Variants in UNC13C observed in about 807,000 individuals in gnomAD.
UNC13C encodes protein unc-13 homolog C.
Under a neutral mutation model 245.4 loss-of-function variants are expected in UNC13C, and 174 were observed. That is an observed-to-expected ratio of 0.71 (90% CI 0.63 to 0.80). The LOEUF (loss-of-function observed/expected upper bound fraction) is 0.80. Among genes scored for constraint, UNC13C ranks in the 30% least tolerant of loss-of-function variants. The pLI is 0.00. For missense variants in UNC13C, 2,829 were observed against 2,602.9 expected, an observed-to-expected ratio of 1.09 and a Z score of -1.89; for synonymous variants, 992 against 895.1, an observed-to-expected ratio of 1.11 and a Z score of -1.93.
the UNC13C span, among the ~76,000 whole-genome samples, chr15:53,852,500 A>T: frequency 5.9e-5 from 9 of 152,104 alleles, no homozygotes; most frequent in African/African-American, 1.7e-4. Flanking sequence ...CACAGACTTA[A>T]AGTCACCCCA....
At chr15:54,185,428 A>T (rs2033944741) in intron 4 of UNC13C, among the ~76,000 whole-genome samples, 1 of 150,062 alleles carries the variant, frequency 6.7e-6, no homozygotes, top group Admixed American at 6.6e-5. Context: ...TCTTTAATCC[A>T]TCTTGAATTA....
At chr15:54,601,676 G>A (rs1429613775) in intron 30 of UNC13C, among the ~76,000 whole-genome samples, 2 of 151,972 alleles carry the variant, frequency 1.3e-5, no homozygotes, top group African/African-American at 4.8e-5. Context: ...TTTCCCTTTG[G>A]GGACCTGGTT....
intron 4 of UNC13C, among the ~76,000 whole-genome samples, chr15:54,180,599 C>G (rs2033764986): frequency 6.6e-6 from 1 of 152,058 alleles, no homozygotes; most frequent in South Asian, 2.1e-4. Context: ...AGTGACCAAA[C>G]TAATTTACAT....
At chr15:54,347,275 C>G (rs2038879774) in intron 17 of UNC13C, among the ~76,000 whole-genome samples, 1 of 152,094 alleles carries the variant, frequency 6.6e-6, no homozygotes, top group Admixed American at 6.5e-5. Flanking sequence ...ACAATGAAAA[C>G]CTTTATTAAC....
In UNC13C at chr15:54,120,423, G is replaced by T. The variant is rs151009483; in HGVS notation, c.2984-22595G>T. 1.2e-3 allele frequency among the ~76,000 whole-genome samples: 182 copies of T among 152,196 alleles called. 4 individuals are homozygous for T. In the East Asian group the frequency reaches 0.028, roughly 23 times the overall value. On this transcript the variant is annotated intron_variant, in intron 2 of 32. Coordinates refer to ENST00000260323, the MANE Select transcript of UNC13C (RefSeq NM_001080534.3). ...ATACTTACACTGCTCAGAAGAAAAA[G>T]AAAGATTGCTTTCAAAGTGTTACAG...
At chr15:54,505,691 T>C (rs1894440183) in intron 22 of UNC13C, among the ~76,000 whole-genome samples, 1 of 152,136 alleles carries the variant, frequency 6.6e-6, no homozygotes, top group East Asian at 1.9e-4. Context: ...AGATGGGAGT[T>C]ATTACGGCAG....
At chr15:54,203,729 C>CACATATACAT (rs1465122682) in intron 4 of UNC13C, among the ~76,000 whole-genome samples, 1 of 133,008 alleles carries the variant, frequency 7.5e-6, no homozygotes, top group Non-Finnish European at 1.7e-5. Context: ...CACATATATA[C>CACATATACAT]ACATATACAT....
intron 29 of UNC13C, 55 bp from the exon 30 acceptor site, chr15:54,567,745 T>C: frequency 6.9e-7 from 1 of 1,459,642 alleles, no homozygotes; most frequent in South Asian, 1.4e-5. Flanking sequence ...AGTAATAAAT[T>C]CTGTCTTCCA....
chr15:54,445,515 C>T (rs1890760277), intron 19 of UNC13C, among the ~76,000 whole-genome samples: 1 of 151,848 alleles, frequency 6.6e-6, no homozygotes, highest in African/African-American at 2.4e-5. Context: ...GAGATGGTAT[C>T]TCATTGTGGT....
intron 22 of UNC13C, among the ~76,000 whole-genome samples, chr15:54,501,980 G>T (rs1020471531): frequency 6.6e-6 from 1 of 152,138 alleles, no homozygotes; most frequent in Admixed American, 6.6e-5. Context: ...GACTTAATGT[G>T]CTGGTCAACT....
chr15:54,066,932 T>C lies in UNC13C; in HGVS notation c.2983+51046T>C, dbSNP rs938869229. On this transcript the variant is annotated intron_variant, in intron 2 of 32. Transcript: ENST00000260323. ...TGAAGGGGAAAACAGAAAAATTGTTTTCTTTTTTTTTTAATTTAGGAAGAA... is the reference window on the plus strand; with the variant it reads ...TGAAGGGGAAAACAGAAAAATTGTTCTCTTTTTTTTTTAATTTAGGAAGAA... Among the ~76,000 whole-genome samples, 6 of 152,058 alleles carry C rather than the reference T, an allele frequency of 3.9e-5. No homozygotes were observed. In the South Asian group the frequency reaches 1.2e-3, roughly 31 times the overall value.
the UNC13C span, among the ~76,000 whole-genome samples, chr15:53,944,965 G>A: frequency 6.6e-6 from 1 of 152,084 alleles, no homozygotes; most frequent in African/African-American, 2.4e-5. Context: ...TCTGATTGGT[G>A]AGAGGTTGTA....
At chr15:53,990,221 C>T (rs1416465005) in intron 1 of UNC13C, among the ~76,000 whole-genome samples, 1 of 152,036 alleles carries the variant, frequency 6.6e-6, no homozygotes, top group Non-Finnish European at 1.5e-5. Context: ...GTTTTTGTCC[C>T]ATTCTCTTAT....
At chr15:54,046,891 G>T (rs1359129360) in intron 2 of UNC13C, among the ~76,000 whole-genome samples, 1 of 151,648 alleles carries the variant, frequency 6.6e-6, no homozygotes, top group South Asian at 2.1e-4. Context: ...AAAAATAAAA[G>T]ATTTCTATTA....
chr15:54,037,437 TA>T (rs764626689), intron 2 of UNC13C, among the ~76,000 whole-genome samples: 11 of 151,558 alleles, frequency 7.3e-5, no homozygotes, highest in Admixed American at 2.0e-4. Context: ...CATGCAAAAA[TA>T]AAAAAAAATT....
At chr15:53,857,574 T>G in the UNC13C span, among the ~76,000 whole-genome samples, 3,212 of 152,300 alleles carry the variant, frequency 0.021, 58 homozygotes, top group East Asian at 0.079. Context: ...AGCAAATTAT[T>G]ATTGCAGATC....
At chr15:54,092,566 A>C (rs1260969537) in intron 2 of UNC13C, among the ~76,000 whole-genome samples, 1 of 152,188 alleles carries the variant, frequency 6.6e-6, no homozygotes, top group Non-Finnish European at 1.5e-5. Flanking sequence ...GTTGGAGCCA[A>C]GGTCTGAACC....
intron 1 of UNC13C, among the ~76,000 whole-genome samples, chr15:54,006,691 T>G (rs947199141): frequency 1.3e-5 from 2 of 152,212 alleles, no homozygotes; most frequent in African/African-American, 4.8e-5. Flanking sequence ...TTTTAAAATT[T>G]AATCTTTAAT....
At chr15:54,366,559 G>T (rs1050694196) in intron 17 of UNC13C, among the ~76,000 whole-genome samples, 5 of 151,836 alleles carry the variant, frequency 3.3e-5, no homozygotes, top group Non-Finnish European at 5.9e-5. Flanking sequence ...GATATCTTAG[G>T]TTTACAAGGT....
Sources: allele counts gnomAD v4.1 joint callset (sites outside exome capture counted in the v4.1 genomes callset), GRCh38; gene constraint gnomAD v4.1.1; transcripts MANE v1.5; gene names NCBI Gene and HGNC (gene_info 2026-07-23, HGNC 2026-07-21).